Variants in TESPA1 observed in about 807,000 individuals in gnomAD.
TESPA1 encodes protein TESPA1.
Under a neutral mutation model 57.9 loss-of-function variants are expected in TESPA1, and 33 were observed. The observed-to-expected ratio is 0.57, with a 90% CI of 0.43 to 0.76. The LOEUF (loss-of-function observed/expected upper bound fraction) is 0.76, where lower values mean the gene tolerates loss of function less well. Among genes scored for constraint, TESPA1 ranks in the 30% least tolerant of loss-of-function variants. The pLI is 0.00. For synonymous variants in TESPA1, 227 were observed against 228.9 expected (o/e 0.99, Z 0.07); for missense variants, 618 against 632.9 (o/e 0.98, Z 0.25).
At chr12:54,983,319 C>G (rs535864462) in intron 1 of TESPA1, among the ~76,000 whole-genome samples, 1 of 152,228 alleles carries the variant, frequency 6.6e-6, no homozygotes, top group Admixed American at 6.5e-5. Flanking sequence ...AAATTGCTTT[C>G]TATCCCTTCT....
intron 4 of TESPA1, 28 bp from the exon 5 acceptor site, chr12:54,967,264 G>C (rs1462161999): frequency 6.2e-7 from 1 of 1,609,922 alleles, no homozygotes; most frequent in Admixed American, 1.7e-5. Flanking sequence ...GAGGGTCACA[G>C]AAAACCAGGA....
chr12:54,974,502 T>C lies in TESPA1; in HGVS notation c.61A>G (p.Ser21Gly), dbSNP rs201493678. 1.3e-4 allele frequency: 205 copies of C among 1,601,956 alleles called. 1 individual carries two copies. The East Asian group carries it at 3.4e-3, about 26-fold the overall frequency. Reference sequence around the variant, plus strand: ...AGGACCTGGGTCTGCCAGTTACGGCTCTGACGGAGCCAGGCCCGCCGTTTC... The same window carrying C: ...AGGACCTGGGTCTGCCAGTTACGGCCCTGACGGAGCCAGGCCCGCCGTTTC... The part of the protein sequence containing the change: ...WEKRRAWLRQ[S>G]RNWQTQVLEE... Residue 21 changes from serine (S) to glycine (G), a missense_variant, in exon 2 of 11, where the codon AGC (serine) becomes GGC (glycine). Physicochemically the swap from Ser to Gly is moderately conservative, Grantham distance 56 (BLOSUM62 0). Coordinates refer to ENST00000449076, the MANE Select transcript of TESPA1 (RefSeq NM_001136030.3).
At chr12:54,957,685 A>G (rs1439086461) in intron 10 of TESPA1, among the ~76,000 whole-genome samples, 2 of 152,246 alleles carry the variant, frequency 1.3e-5, no homozygotes, top group Admixed American at 1.3e-4. Context: ...GTCAGGAAAG[A>G]AGAGATCTCT....
chr12:54,964,380 C>A (rs1157215679), intron 7 of TESPA1, among the ~76,000 whole-genome samples: 1 of 152,142 alleles, frequency 6.6e-6, no homozygotes, highest in Non-Finnish European at 1.5e-5. Flanking sequence ...AAACATAGAA[C>A]CCCTGAAGGT....
At chr12:54,966,235 C>A in intron 6 of TESPA1, 84 bp from the exon 7 acceptor site, 1 of 1,560,106 alleles carries the variant, frequency 6.4e-7, no homozygotes, top group East Asian at 2.3e-5. Flanking sequence ...GACTTATTCA[C>A]CCCCTGAACA....
rs910564649 is a variant in TESPA1 at position 54,966,363 on chromosome 12, C to T, written c.347+25G>A. On this transcript the variant is annotated intron_variant, in intron 6 of 10. Coordinates refer to ENST00000449076, the MANE Select transcript of TESPA1 (RefSeq NM_001136030.3). ...ACTGATTCTTAAAGGAGACATCATT[C>T]ACCCTGGCTGAACCTAACACTTACC... The T allele has an allele frequency of 1.9e-6, 3 of 1,613,782 alleles. No homozygotes were observed. The African/African-American group carries it at 4.0e-5, about 22-fold the overall frequency.
rs1341712961 is a variant in TESPA1 at position 54,962,866 on chromosome 12, A to C, written c.1032T>G (p.Pro344=). 1.9e-6 allele frequency: 3 copies of C among 1,613,784 alleles called. No homozygotes were observed. In the South Asian group the frequency reaches 3.3e-5, roughly 18 times the overall value. Reference sequence around the variant, plus strand: ...ACTTCTTACCCTCAGCAGGGGGCACAGGATCTTCCTGTGAGAATTGCCCCA... The same window carrying C: ...ACTTCTTACCCTCAGCAGGGGGCACCGGATCTTCCTGTGAGAATTGCCCCA... ...SDLGQFSQED[P]VPPAEGKKLP... The change falls in exon 9 of 11, where the codon CCT becomes CCG. Residue 344 remains proline, a synonymous_variant. Transcript: ENST00000449076.
chr12:54,962,309 T>C, intron 9 of TESPA1, 122 bp downstream of exon 9: 1 of 1,123,898 alleles, frequency 8.9e-7, no homozygotes, highest in Non-Finnish European at 1.3e-6. Context: ...CAGAAAGTGG[T>C]ATATCTGGCT....
At chr12:54,964,131 AT>A in intron 7 of TESPA1, among the ~76,000 whole-genome samples, 181 bp from the exon 8 acceptor site, 1 of 152,252 alleles carries the variant, frequency 6.6e-6, no homozygotes, top group East Asian at 1.9e-4. Flanking sequence ...TGTTGGAAAC[AT>A]GGAAACTACA....
In TESPA1 at chr12:54,973,536, C is replaced by T. The variant is rs924064962; in HGVS notation, c.164-17G>A. On this transcript the variant is annotated splice_polypyrimidine_tract_variant and intron_variant, in intron 2 of 10. Coordinates refer to ENST00000449076, the MANE Select transcript of TESPA1 (RefSeq NM_001136030.3). ...TTGGATTCCCTAGAAAAGTCAGACA[C>T]TAGATCACTGTGAGAACTGAACGAA... 6.2e-7 allele frequency: 1 copy of T among 1,614,022 alleles called. No homozygotes were observed. The highest frequency in any genetic ancestry group is 8.5e-7 in the Non-Finnish European group (1 of 1,179,892).
At chr12:54,951,131 T>C (rs1950360528) in intron 10 of TESPA1, among the ~76,000 whole-genome samples, 1 of 152,192 alleles carries the variant, frequency 6.6e-6, no homozygotes, top group Non-Finnish European at 1.5e-5. Context: ...TGATCCTGAA[T>C]GTTGGAGGTG....
At chr12:54,970,616 C>T (rs757374539) in intron 3 of TESPA1, among the ~76,000 whole-genome samples, 16 of 152,178 alleles carry the variant, frequency 1.1e-4, no homozygotes, top group Non-Finnish European at 2.1e-4. Context: ...ATGTCCATCA[C>T]TCAAGTCCCA....
intron 3 of TESPA1, among the ~76,000 whole-genome samples, chr12:54,970,114 T>C (rs1592390897): frequency 1.3e-5 from 2 of 152,202 alleles, no homozygotes; most frequent in African/African-American, 4.8e-5. Context: ...TGTTTTTTTT[T>C]CCTTGTAGAG....
In TESPA1 at chr12:54,950,119, G is replaced by A; in HGVS notation, c.*273C>T. On this transcript the variant is annotated 3_prime_UTR_variant, in exon 11 of 11. Coordinates refer to ENST00000449076, the MANE Select transcript of TESPA1 (RefSeq NM_001136030.3). ...TATATTTTAATACACACATAGTAGA[G>A]AAACCAGTGTACAGAGAAATGAAGA... is the stretch of plus-strand genomic sequence containing the variant. 2.8e-6 allele frequency: 1 copy of A among 355,912 alleles called. No individual in the cohort carries two copies. The highest frequency in any genetic ancestry group is 2.2e-5 in the South Asian group (1 of 44,746). 22.0% of individuals were successfully genotyped at this position (355,912 alleles called of 1,614,324 possible). A position where few individuals can be genotyped will look rare whatever the true frequency, so the allele number is the denominator to read the frequency against.
intron 10 of TESPA1, 71 bp downstream of exon 10, chr12:54,961,097 A>G: frequency 6.3e-7 from 1 of 1,587,268 alleles, no homozygotes; most frequent in South Asian, 1.1e-5. Context: ...GGGTTTAAAA[A>G]AAAAAAACCT....
In TESPA1 at chr12:54,974,508, G is replaced by A. The variant is rs773870688; in HGVS notation, c.55C>T (p.Arg19Cys). ...TGGGTCTGCCAGTTACGGCTCTGAC[G>A]GAGCCAGGCCCGCCGTTTCTCCCAG... The part of the protein sequence containing the change: ...TSWEKRRAWL[R>C]QSRNWQTQVL... The change falls in exon 2 of 11, where the codon CGT (arginine) becomes TGT (cysteine). Residue 19 changes from arginine (R) to cysteine (C), a missense_variant. By Grantham distance (180) the Arg-to-Cys change is radical. This residue lies in a region of TESPA1 where 199 missense variants were observed against 184.0 expected (regional missense o/e 1.08). Coordinates refer to ENST00000449076, the MANE Select transcript of TESPA1 (RefSeq NM_001136030.3). 6 of 1,600,528 alleles carry A rather than the reference G, an allele frequency of 3.7e-6. No homozygotes were observed. The highest frequency in any genetic ancestry group is 2.3e-5 in the East Asian group (1 of 44,344).
chr12:54,974,304 C>T, intron 2 of TESPA1, 96 bp downstream of exon 2: 1 of 1,167,640 alleles, frequency 8.6e-7, no homozygotes. Flanking sequence ...GAGGGCCTGG[C>T]TAAACAAGGA....
At chr12:54,954,823 T>A (rs762421851) in intron 10 of TESPA1, among the ~76,000 whole-genome samples, 4 of 152,244 alleles carry the variant, frequency 2.6e-5, no homozygotes, top group Non-Finnish European at 4.4e-5. Context: ...ATTTTCTTTA[T>A]CTATTCATCC....
intron 3 of TESPA1, among the ~76,000 whole-genome samples, chr12:54,970,104 TG>T (rs1378824373): frequency 6.6e-6 from 1 of 152,026 alleles, no homozygotes; most frequent in Non-Finnish European, 1.5e-5. Flanking sequence ...AAAAAACTGT[TG>T]TTTTTTTTTC....
Sources: gnomAD v4.1 joint callset for allele counts (sites outside exome capture counted in the v4.1 genomes callset) on GRCh38, gnomAD v4.1.1 for gene constraint, gnomAD v4.1.1 regional missense constraint, MANE v1.5 for transcripts, NCBI Gene and HGNC (gene_info 2026-07-23, HGNC 2026-07-21) for gene names.